The following STS variants were observed in gnomAD, a reference collection of about 807,000 sequenced individuals.
The protein encoded by STS is steryl-sulfatase.
A neutral mutation model predicts 26.8 loss-of-function variants in STS; 7 were observed. That is an observed-to-expected ratio of 0.26 (90% confidence interval 0.15 to 0.49). The LOEUF (loss-of-function observed/expected upper bound fraction) is 0.49. STS is among the 20% of genes least tolerant of loss of function. The pLI is 0.98. For missense variants in STS, 434 were observed against 465.6 expected, an observed-to-expected ratio of 0.93 and a Z score of 0.63; for synonymous variants, 199 against 189.4, an observed-to-expected ratio of 1.05 and a Z score of -0.42.
chrX:7,251,286 A>G (rs1923128344), intron 2 of STS, among the ~76,000 whole-genome samples: 1 of 111,819 alleles, frequency 8.9e-6, no homozygotes, highest in African/African-American at 3.3e-5. Flanking sequence ...GAGAGACACA[A>G]TAGGAAACTC....
intron 1 of STS, among the ~76,000 whole-genome samples, chrX:7,150,618 G>A (rs763304152): frequency 4.5e-4 from 50 of 112,079 alleles, no homozygotes; most frequent in Non-Finnish European, 5.1e-4. Flanking sequence ...TTGGGAAATC[G>A]TAGGTACTTC....
Position 7,257,223 on chromosome X carries a change from TATG to T in STS, c.138-16_138-14del. 8.3e-7 allele frequency: 1 copy of T among 1,208,949 alleles called. No individual in the cohort carries two copies. ...AATAAATGAAAATGATCACAAATGC[TATG>T]ATTCTTTTGTTCTAGGACTCCCAAT... is the stretch of plus-strand genomic sequence containing the variant. On this transcript the variant is annotated splice_polypyrimidine_tract_variant and intron_variant, in intron 3 of 10. Transcript: ENST00000674429.
At chrX:7,328,944 C>T (rs182643524) in intron 9 of STS, among the ~76,000 whole-genome samples, 1 of 111,656 alleles carries the variant, frequency 9.0e-6, no homozygotes, top group East Asian at 2.8e-4. Flanking sequence ...GATCCACCCA[C>T]CTCGGCCTCC....
At position 7,148,034 on chromosome X, in the gene STS, G is replaced by A; in HGVS notation, c.-183G>A. The stretch of plus-strand genomic sequence containing the variant: ...CACAAGACCGCCCTTACTGGAGGCG[G>A]CGGCTGCACACTACCCACCCAGAAG... On this transcript the variant is annotated 5_prime_UTR_variant, in exon 1 of 11. Coordinates refer to ENST00000674429, the MANE Select transcript of STS (RefSeq NM_001320752.2). 1 of 1,127,937 alleles carries A rather than the reference G, an allele frequency of 8.9e-7. No homozygotes were observed. Among genetic ancestry groups the A allele is most frequent in the Non-Finnish European group, 1.2e-6 (1 of 848,626 alleles). The allele number at this position is 1,127,937 out of a possible 1,213,427, so 93.0% of individuals were successfully genotyped here. A position where few individuals can be genotyped will look rare whatever the true frequency, so the allele number is the denominator to read the frequency against.
intron 7 of STS, among the ~76,000 whole-genome samples, chrX:7,283,635 G>T (rs1396827933): frequency 9.0e-6 from 1 of 110,518 alleles, no homozygotes; most frequent in Non-Finnish European, 1.9e-5. Flanking sequence ...TCAGTTCAAT[G>T]CAGGGCCAGA....
chrX:7,306,677 A>G (rs1340502058), intron 8 of STS, among the ~76,000 whole-genome samples: 2 of 111,714 alleles, frequency 1.8e-5, no homozygotes, highest in African/African-American at 6.5e-5. Context: ...ACAAGGGGAA[A>G]GAGAGCCTCA....
At chrX:7,292,541 T>G (rs1341281966) in intron 7 of STS, among the ~76,000 whole-genome samples, 2 of 111,740 alleles carry the variant, frequency 1.8e-5, no homozygotes, top group Non-Finnish European at 3.8e-5. Flanking sequence ...TGTAGCATAT[T>G]TCCTTCCACC....
At chrX:7,248,518 A>G (rs150452019) in intron 2 of STS, among the ~76,000 whole-genome samples, 1 of 112,246 alleles carries the variant, frequency 8.9e-6, no homozygotes, top group Non-Finnish European at 1.9e-5. Context: ...TGAGCTCCAA[A>G]TCAAGGCTGA....
chrX:7,346,438 A>G (rs1928526505), intron 10 of STS, among the ~76,000 whole-genome samples: 2 of 93,213 alleles, frequency 2.1e-5, no homozygotes, highest in South Asian at 1.1e-3. Flanking sequence ...CCTCACCACT[A>G]CTTAGACTAC....
intron 10 of STS, among the ~76,000 whole-genome samples, chrX:7,347,165 T>G (rs1381116725): frequency 9.0e-6 from 1 of 111,723 alleles, no homozygotes; most frequent in Non-Finnish European, 1.9e-5. Context: ...CTATTTATCT[T>G]TGAAATGACA....
chrX:7,324,596 A>C (rs757978825), intron 8 of STS, among the ~76,000 whole-genome samples: 1 of 111,485 alleles, frequency 9.0e-6, no homozygotes, highest in African/African-American at 3.3e-5. Context: ...TATGGCTACA[A>C]ACAGTCTGTT....
chrX:7,177,747 T>A (rs982181106), intron 1 of STS, among the ~76,000 whole-genome samples: 1 of 110,546 alleles, frequency 9.0e-6, no homozygotes, highest in Admixed American at 9.8e-5. Context: ...ACTCCTGACC[T>A]CAAGTGATCC....
intron 1 of STS, among the ~76,000 whole-genome samples, chrX:7,189,313 G>A (rs1933830811): frequency 9.0e-6 from 1 of 111,590 alleles, no homozygotes; most frequent in Admixed American, 9.6e-5. Flanking sequence ...TATCTTCTTG[G>A]CTTTCTTTTG....
At chrX:7,222,513 G>C (rs1921613595) in intron 2 of STS, among the ~76,000 whole-genome samples, 1 of 84,360 alleles carries the variant, frequency 1.2e-5, no homozygotes, top group South Asian at 6.0e-4. Context: ...TTGTGAGAAA[G>C]GATGCCCTCA....
At chrX:7,211,967 G>A (rs775491993) in intron 2 of STS, among the ~76,000 whole-genome samples, 1 of 112,030 alleles carries the variant, frequency 8.9e-6, no homozygotes, top group East Asian at 2.8e-4. Context: ...CCTTCCTTTC[G>A]GGACTTCCTG....
chrX:7,325,841 T>C (rs1222958599), intron 9 of STS, among the ~76,000 whole-genome samples: 2 of 112,120 alleles, frequency 1.8e-5, no homozygotes, highest in Non-Finnish European at 3.8e-5. Context: ...CAGGCCTGTC[T>C]ATCTAGATGC....
At position 7,318,636 on chromosome X, in the gene STS, A is replaced by G. The variant is rs745593827; in HGVS notation, c.1082-6703A>G. ...TCAGAACTATTAATACAAGATGGGA[A>G]TCTCGTGATGTTCCACATAGTGGGT... On this transcript the variant is annotated intron_variant, in intron 8 of 10. Transcript: ENST00000674429. Among the ~76,000 whole-genome samples the G allele has an allele frequency of 9.0e-5, 10 of 111,605 alleles. No individual in the cohort carries two copies. The East Asian group carries it at 2.3e-3, about 25-fold the overall frequency.
chrX:7,165,797 T>C (rs777299311), intron 1 of STS, among the ~76,000 whole-genome samples: 1 of 112,139 alleles, frequency 8.9e-6, no homozygotes, highest in African/African-American at 3.2e-5. Context: ...TGGCCTCTGC[T>C]CACTGGATGA....
At chrX:7,159,917 C>T (rs1184430745) in intron 1 of STS, among the ~76,000 whole-genome samples, 2 of 112,063 alleles carry the variant, frequency 1.8e-5, no homozygotes, top group Non-Finnish European at 3.8e-5. Context: ...AATGATTATT[C>T]ACACACGATG....
Sources: allele counts gnomAD v4.1 joint callset (sites outside exome capture counted in the v4.1 genomes callset), GRCh38; gene constraint gnomAD v4.1.1; transcripts MANE v1.5; gene names NCBI Gene and HGNC (gene_info 2026-07-23, HGNC 2026-07-21).